SYNE2: variants seen among roughly 807,000 people sequenced by gnomAD.
The protein encoded by SYNE2 is nesprin-2.
SYNE2 carries 431 observed loss-of-function variants against 856.3 expected under a neutral mutation model. That is an observed-to-expected ratio of 0.50 (90% CI 0.47 to 0.55). The LOEUF is 0.55. SYNE2 is among the 20% of genes least tolerant of loss of function. The pLI is 0.00. For missense variants in SYNE2, 8,129 were observed against 8,023.2 expected, an observed-to-expected ratio of 1.01 and a Z score of -0.50; for synonymous variants, 2,923 against 2,872.3, an observed-to-expected ratio of 1.02 and a Z score of -0.56.
At chr14:64,064,524 G>A (rs1194989056) in intron 50 of SYNE2, among the ~76,000 whole-genome samples, 2 of 150,772 alleles carry the variant, frequency 1.3e-5, no homozygotes, top group African/African-American at 2.4e-5. Context: ...CAGATAATGA[G>A]GGCTGTTGTA....
intron 16 of SYNE2, among the ~76,000 whole-genome samples, chr14:63,982,375 G>C (rs1185762589): frequency 6.6e-6 from 1 of 152,126 alleles, no homozygotes; most frequent in East Asian, 1.9e-4. Flanking sequence ...GGAAGAGCTA[G>C]ACCAACAGGG....
chr14:64,136,215 G>A (rs1353875505), intron 78 of SYNE2, among the ~76,000 whole-genome samples: 5 of 151,040 alleles, frequency 3.3e-5, no homozygotes, highest in African/African-American at 1.2e-4. Flanking sequence ...GCTGGAACCC[G>A]GGAGTCGGAG....
Position 64,167,512 on chromosome 14 carries a change from G to A in SYNE2, c.16778G>A (p.Gly5593Glu). 1 of 1,614,188 alleles carries A rather than the reference G, an allele frequency of 6.2e-7. No individual in the cohort carries two copies. Among genetic ancestry groups the A allele is most frequent in the Non-Finnish European group, 8.5e-7 (1 of 1,180,036 alleles). ...LERCSELQGI[G>E]LNEKFLYCCE... ...CTTTGTAGTGAGCTTCAGGGAATTG[G>A]ATTGAATGAAAAGTTTCTTTATTGC... Residue 5593 changes from glycine (G) to glutamate (E), a missense_variant, in exon 92 of 116, where the codon GGA (glycine) becomes GAA (glutamate). Coordinates refer to ENST00000555002, the MANE Select transcript of SYNE2 (RefSeq NM_182914.3).
At chr14:64,089,490 G>T in intron 58 of SYNE2, 84 bp from the exon 59 acceptor site, 10 of 1,345,374 alleles carry the variant, frequency 7.4e-6, no homozygotes, top group Non-Finnish European at 1.0e-5. Flanking sequence ...CTAAATAAGA[G>T]AATAAAATTA....
intron 49 of SYNE2, among the ~76,000 whole-genome samples, chr14:64,057,033 CAT>C (rs779520841): frequency 3.3e-5 from 5 of 151,856 alleles, no homozygotes; most frequent in Non-Finnish European, 7.4e-5. Flanking sequence ...ATATTTATGA[CAT>C]ATATGGAATA....
Position 64,195,182 on chromosome 14 carries a change from C to T in SYNE2, c.18038+4945C>T, listed in dbSNP as rs549449741. On this transcript the variant is annotated intron_variant, in intron 99 of 115. Coordinates refer to ENST00000555002, the MANE Select transcript of SYNE2 (RefSeq NM_182914.3). The stretch of plus-strand genomic sequence containing the variant: ...TGATGAAAGCGTTCAGTATCTGATA[C>T]AGGTTGGACAGCGAAGTGGAAAAGC... Among the ~76,000 whole-genome samples the T allele has an allele frequency of 2.0e-5, 3 of 152,280 alleles. No individual in the cohort carries two copies. In the East Asian group the frequency reaches 5.8e-4, roughly 29 times the overall value.
chr14:63,860,006 G>A (rs1216675985), intron 1 of SYNE2, among the ~76,000 whole-genome samples: 1 of 111,196 alleles, frequency 9.0e-6, no homozygotes, highest in Admixed American at 1.4e-4. Flanking sequence ...CCTACCATCT[G>A]TCTGTCTGTC....
intron 2 of SYNE2, among the ~76,000 whole-genome samples, chr14:63,914,946 T>C (rs745753593): frequency 6.6e-6 from 1 of 152,054 alleles, no homozygotes; most frequent in Non-Finnish European, 1.5e-5. Context: ...CCAAGCTATT[T>C]TTTACATTTT....
intron 99 of SYNE2, among the ~76,000 whole-genome samples, chr14:64,200,206 T>C (rs1483886868): frequency 6.6e-6 from 1 of 152,204 alleles, no homozygotes; most frequent in Admixed American, 6.5e-5. Context: ...CCTCTTCTTT[T>C]CAAAATAAGA....
At position 64,062,808 on chromosome 14, in the gene SYNE2, C is replaced by A; in HGVS notation, c.10125C>A (p.Leu3375=). 6.2e-7 allele frequency: 1 copy of A among 1,614,056 alleles called. No individual in the cohort carries two copies. Among genetic ancestry groups the A allele is most frequent in the Non-Finnish European group, 8.5e-7 (1 of 1,179,952 alleles). Reference sequence around the variant, plus strand: ...TGGAAGAGGATATTTACACTAACCTCAGCAAAATGGAGACAGTTCTTGGAC... The same window carrying A: ...TGGAAGAGGATATTTACACTAACCTAAGCAAAATGGAGACAGTTCTTGGAC... ...RKMEEDIYTN[L]SKMETVLGQS... Residue 3375 remains leucine, a synonymous_variant, in exon 50 of 116, where the codon CTC becomes CTA. Coordinates refer to ENST00000555002, the MANE Select transcript of SYNE2 (RefSeq NM_182914.3).
chr14:64,170,476 C>T lies in SYNE2; in HGVS notation c.17235+14C>T, dbSNP rs748849267. The T allele has an allele frequency of 6.9e-6, 11 of 1,596,804 alleles. No individual in the cohort carries two copies. In the East Asian group the frequency reaches 9.0e-5, roughly 13 times the overall value. On this transcript the variant is annotated intron_variant, in intron 94 of 115. Transcript: ENST00000555002. ...CATGAGCTGAAGGTAGTGTATGCAT[C>T]GTAGCAGTGTGAGAACCACAGGGTG...
intron 1 of SYNE2, among the ~76,000 whole-genome samples, chr14:63,814,706 A>G (rs972161012): frequency 4.5e-5 from 6 of 132,174 alleles, no homozygotes; most frequent in African/African-American, 1.6e-4. Flanking sequence ...ATATCCATAT[A>G]TATCCATATA....
chr14:64,131,590 GT>G (rs1268822866), intron 76 of SYNE2, among the ~76,000 whole-genome samples: 2 of 151,932 alleles, frequency 1.3e-5, no homozygotes, highest in Non-Finnish European at 2.9e-5. Context: ...TTTTGTTTTT[GT>G]TTTTTTAAGA....
At chr14:64,075,578 A>G (rs1434431790) in intron 53 of SYNE2, 1 of 249,456 alleles carries the variant, frequency 4.0e-6, no homozygotes, top group East Asian at 1.1e-4. Flanking sequence ...TAAAACAACA[A>G]CAAAAAACTT....
At chr14:64,197,929 C>T (rs559221845) in intron 99 of SYNE2, among the ~76,000 whole-genome samples, 2 of 152,192 alleles carry the variant, frequency 1.3e-5, no homozygotes, top group South Asian at 4.1e-4. Context: ...TGCAAAAGAA[C>T]TCTTCTAATT....
intron 2 of SYNE2, among the ~76,000 whole-genome samples, chr14:63,910,884 C>G (rs2095465400): frequency 6.6e-6 from 1 of 152,144 alleles, no homozygotes; most frequent in Admixed American, 6.5e-5. Flanking sequence ...TATTTCTTGT[C>G]CAAGAGCACA....
At chr14:64,044,008 C>A (rs530967306) in intron 45 of SYNE2, among the ~76,000 whole-genome samples, 1 of 152,328 alleles carries the variant, frequency 6.6e-6, no homozygotes, top group East Asian at 1.9e-4. Context: ...CAGACACATG[C>A]CACCACACCG....
intron 113 of SYNE2, 90 bp downstream of exon 113, chr14:64,223,470 C>T (rs2098703968): frequency 4.7e-6 from 7 of 1,504,364 alleles, no homozygotes; most frequent in Non-Finnish European, 6.4e-6. Flanking sequence ...AAGACAGAGG[C>T]CAGAAGCAAG....
intron 16 of SYNE2, among the ~76,000 whole-genome samples, 199 bp downstream of exon 16, chr14:63,981,372 A>G (rs534835016): frequency 2.6e-5 from 4 of 152,296 alleles, no homozygotes; most frequent in Admixed American, 6.5e-5. Context: ...TTATATATAC[A>G]TGGTCAAACA....
Sources: allele counts gnomAD v4.1 joint callset (sites outside exome capture counted in the v4.1 genomes callset), GRCh38; gene constraint gnomAD v4.1.1; transcripts MANE v1.5; gene names NCBI Gene and HGNC (gene_info 2026-07-23, HGNC 2026-07-21).